The following SOD2 variants were observed in gnomAD, a reference collection of about 807,000 sequenced individuals.
The protein encoded by SOD2 is superoxide dismutase 2, also known as superoxide dismutase [Mn], mitochondrial.
Under a neutral mutation model 27.0 loss-of-function variants are expected in SOD2, and 11 were observed. That is an observed-to-expected ratio of 0.41 (90% CI 0.26 to 0.67). The LOEUF (loss-of-function observed/expected upper bound fraction) is 0.67. SOD2 is among the 30% of genes least tolerant of loss of function. The pLI, the probability that SOD2 is intolerant of heterozygous loss-of-function variation, is 0.34. For missense variants in SOD2, 250 were observed against 274.5 expected, an observed-to-expected ratio of 0.91 and a Z score of 0.63; for synonymous variants, 105 against 103.0, an observed-to-expected ratio of 1.02 and a Z score of -0.12.
chr6:159,722,285 G>A (rs536915707), intron 1 of SOD2, among the ~76,000 whole-genome samples: 24 of 152,226 alleles, frequency 1.6e-4, no homozygotes, highest in Admixed American at 6.5e-4. Context: ...AGCTTCTGAC[G>A]AGGCACGAGG....
At chr6:159,757,056 G>T (rs1163865680) in intron 1 of SOD2, among the ~76,000 whole-genome samples, 1 of 152,152 alleles carries the variant, frequency 6.6e-6, no homozygotes, top group Non-Finnish European at 1.5e-5. Flanking sequence ...TGAGTAAGGG[G>T]TGTTAGAATG....
chr6:159,721,675 CTTTTTTT>C (rs55950207), intron 1 of SOD2, among the ~76,000 whole-genome samples: 4 of 82,252 alleles, frequency 4.9e-5, no homozygotes, highest in Admixed American at 1.7e-4. Context: ...TGCGGCTGAC[CTTTTTTT>C]TTTTTTTTTT....
chr6:159,712,369 ACCT>A (rs1777823642), intron 1 of SOD2, among the ~76,000 whole-genome samples: 2 of 117,312 alleles, frequency 1.7e-5, no homozygotes, highest in Admixed American at 8.9e-5. Context: ...AGCTGCTCTG[ACCT>A]CCATAACCAC....
upstream of SOD2, chr6:159,748,474 T>C (rs867316461): frequency 1.9e-5 from 29 of 1,512,248 alleles, no homozygotes; most frequent in Middle Eastern, 5.3e-4. This position sits in a 1 kb window ranked among gnomAD's most constrained non-coding sequence, Gnocchi z 5.6. Context: ...ACTCAGACTT[T>C]TTGAGCCAAA....
chr6:159,714,584 C>T (rs988482881), intron 1 of SOD2, among the ~76,000 whole-genome samples: 5 of 152,202 alleles, frequency 3.3e-5, no homozygotes, highest in African/African-American at 7.2e-5. Context: ...CTCTTTCCCA[C>T]GGTACTATAA....
chr6:159,697,034 GACAC>G (rs35334577), upstream of SOD2, among the ~76,000 whole-genome samples: 16,273 of 132,536 alleles, frequency 0.12, 1,542 homozygotes, highest in East Asian at 0.3. Context: ...AGGAGACCCT[GACAC>G]ACACACACAC....
upstream of SOD2, chr6:159,748,489 A>T (rs1254420215): frequency 2.0e-6 from 3 of 1,496,756 alleles, no homozygotes; most frequent in African/African-American, 4.3e-5. This position sits in a 1 kb window ranked among gnomAD's most constrained non-coding sequence, Gnocchi z 5.6. Flanking sequence ...GCCAAAAAAA[A>T]GCCACATTCT....
chr6:159,732,777 TC>T (rs753502726), intron 1 of SOD2, among the ~76,000 whole-genome samples: 7 of 151,864 alleles, frequency 4.6e-5, no homozygotes, highest in Non-Finnish European at 8.8e-5. Context: ...TGAGCCGAGA[TC>T]GCGCCATTGC....
intron 1 of SOD2, among the ~76,000 whole-genome samples, chr6:159,711,707 TGCTCTG>T: frequency 2.7e-5 from 3 of 109,896 alleles, no homozygotes; most frequent in Non-Finnish European, 3.9e-5. Flanking sequence ...CCACTCACAC[TGCTCTG>T]ATCACCATAA....
At chr6:159,737,441 G>A (rs1276044071) in intron 1 of SOD2, among the ~76,000 whole-genome samples, 1 of 151,994 alleles carries the variant, frequency 6.6e-6, no homozygotes, top group African/African-American at 2.4e-5. Context: ...ACATTTTTAA[G>A]GAAAAAAATT....
intron 4 of SOD2, among the ~76,000 whole-genome samples, 186 bp downstream of exon 4, chr6:159,684,668 G>A (rs559072728): frequency 1.3e-5 from 2 of 152,056 alleles, no homozygotes; most frequent in African/African-American, 2.4e-5. Flanking sequence ...AAAATTACGT[G>A]TACTTAATTT....
chr6:159,720,839 T>C (rs1039037761), intron 1 of SOD2, among the ~76,000 whole-genome samples: 3 of 147,248 alleles, frequency 2.0e-5, no homozygotes, highest in Non-Finnish European at 4.5e-5. Context: ...CAGGTGTATT[T>C]TCTTTACCTT....
chr6:159,732,284 A>G (rs921344722), upstream of SOD2, among the ~76,000 whole-genome samples: 1 of 152,210 alleles, frequency 6.6e-6, no homozygotes, highest in African/African-American at 2.4e-5. Flanking sequence ...ATACTTTAGT[A>G]TTACAACTAA....
rs757322805 is a variant in SOD2, at chr6:159,743,635, T to C, written c.-116+1495A>G. On this transcript the variant is annotated intron_variant, in intron 1 of 3. Transcript: ENST00000537657. ...GGTATTTAGAACTTGATCTTAAAAT[T>C]GTATTTATAATTTTTTTTTGAATCA... The C allele has an allele frequency of 1.0e-5, 16 of 1,564,164 alleles. No homozygotes were observed. The East Asian group carries it at 2.3e-4, about 22-fold the overall frequency.
intron 1 of SOD2, among the ~76,000 whole-genome samples, chr6:159,753,880 A>G (rs1308272773): frequency 6.6e-6 from 1 of 152,220 alleles, no homozygotes; most frequent in African/African-American, 2.4e-5. Context: ...GGTAAAAGAT[A>G]AAAGGGTGTT....
At chr6:159,749,196 A>G, upstream of SOD2, 1 of 985,918 alleles carries the variant, frequency 1.0e-6, no homozygotes, top group East Asian at 1.1e-4. Context: ...AACTGTTTGA[A>G]GCATTATAAA....
At chr6:159,724,157 T>C (rs993444700) in intron 1 of SOD2, among the ~76,000 whole-genome samples, 35 of 152,098 alleles carry the variant, frequency 2.3e-4, no homozygotes, top group Non-Finnish European at 2.9e-5. Flanking sequence ...AAAAATTGTT[T>C]TAAATTTTTT....
At chr6:159,705,035 C>G (rs1777596029) in intron 1 of SOD2, among the ~76,000 whole-genome samples, 1 of 152,192 alleles carries the variant, frequency 6.6e-6, no homozygotes, top group South Asian at 2.1e-4. Flanking sequence ...GGACCTCCAG[C>G]AAACTCCAAC....
At position 159,673,362 on chromosome 6, in the gene SOD2, C is replaced by A. The variant is rs1256967826; in HGVS notation, c.*9131G>T. On this transcript the variant is annotated 3_prime_UTR_variant, in exon 5 of 5. Transcript: ENST00000538183. Reference sequence around the variant, plus strand: ...ACATAGTTGGAAGTAAAGCACTCCTCAGCAAATGTAAAAGAACAGAAATTA... The same window carrying A: ...ACATAGTTGGAAGTAAAGCACTCCTAAGCAAATGTAAAAGAACAGAAATTA... 1.3e-5 allele frequency: 2 copies of A among 152,164 alleles called. No homozygotes were observed. The highest frequency in any genetic ancestry group is 2.9e-5 in the Non-Finnish European group (2 of 68,028). The allele number at this position is 152,164 out of a possible 1,614,324, so 9.4% of individuals were successfully genotyped here.
Sources: allele counts gnomAD v4.1 joint callset (sites outside exome capture counted in the v4.1 genomes callset), GRCh38; gene constraint gnomAD v4.1.1; non-coding constraint Gnocchi (gnomAD v3.1); transcripts MANE v1.5; gene names NCBI Gene and HGNC (gene_info 2026-07-23, HGNC 2026-07-21).